LHFPL3: variants seen among roughly 807,000 people sequenced by gnomAD.
LHFPL3 encodes LHFPL tetraspan subfamily member 3, also known as LHFPL tetraspan subfamily member 3 protein.
Under a neutral mutation model 19.3 loss-of-function variants are expected in LHFPL3, and 5 were observed. The observed-to-expected ratio is 0.26, with a 90% CI of 0.14 to 0.54. The LOEUF (loss-of-function observed/expected upper bound fraction) is 0.54, where lower values mean the gene tolerates loss of function less well. Ranked by LOEUF, LHFPL3 falls within the 20% of genes least tolerant of loss-of-function variation. LHFPL3 has a pLI of 0.94. For synonymous variants in LHFPL3, 133 were observed against 126.2 expected, an observed-to-expected ratio of 1.05 and a Z score of -0.36; for missense variants, 249 against 307.4, an observed-to-expected ratio of 0.81 and a Z score of 1.42.
intron 1 of LHFPL3, among the ~76,000 whole-genome samples, chr7:104,715,179 C>T (rs1004100554): frequency 3.3e-5 from 5 of 152,094 alleles, no homozygotes; most frequent in African/African-American, 7.2e-5. Context: ...TGCCACTGCA[C>T]TCTAACCTGA....
At chr7:104,902,172 G>A (rs1345288791) in intron 2 of LHFPL3, among the ~76,000 whole-genome samples, 1 of 152,014 alleles carries the variant, frequency 6.6e-6, no homozygotes, top group Non-Finnish European at 1.5e-5. Flanking sequence ...TTGAGTCCGG[G>A]AGTTTGAAAC....
At chr7:104,460,657 G>T (rs564213870) in intron 1 of LHFPL3, among the ~76,000 whole-genome samples, 54 of 152,146 alleles carry the variant, frequency 3.5e-4, no homozygotes, top group Admixed American at 3.2e-3. Flanking sequence ...CTTTTGAAAA[G>T]TGTCTTTTCA....
chr7:104,589,539 T>C (rs972648895), intron 1 of LHFPL3, among the ~76,000 whole-genome samples: 3 of 152,200 alleles, frequency 2.0e-5, no homozygotes, highest in Admixed American at 1.3e-4. Context: ...GATTTTTGCA[T>C]TGATGTTCAT....
chr7:104,710,100 CACTCG>C (rs1022324118), intron 1 of LHFPL3, among the ~76,000 whole-genome samples: 1 of 152,234 alleles, frequency 6.6e-6, no homozygotes, highest in African/African-American at 2.4e-5. Context: ...GCAGGCAGAT[CACTCG>C]AGGTCAGGAG....
chr7:104,549,725 A>G (rs1794634125), intron 1 of LHFPL3, among the ~76,000 whole-genome samples: 1 of 152,058 alleles, frequency 6.6e-6, no homozygotes. Flanking sequence ...TCCTATATCT[A>G]TCTGGGGACC....
At chr7:104,632,436 C>T (rs966784045) in intron 1 of LHFPL3, among the ~76,000 whole-genome samples, 17 of 151,984 alleles carry the variant, frequency 1.1e-4, no homozygotes, top group Non-Finnish European at 2.2e-4. Flanking sequence ...GAATTCTTAG[C>T]CTAAAGACTA....
chr7:104,638,953 CA>C (rs1791781193), intron 1 of LHFPL3, among the ~76,000 whole-genome samples: 1 of 150,744 alleles, frequency 6.6e-6, no homozygotes, highest in Non-Finnish European at 1.5e-5. Flanking sequence ...TTGGTAGAAA[CA>C]GGGTTTCATT....
At chr7:104,619,245 C>T (rs1417968127) in intron 1 of LHFPL3, among the ~76,000 whole-genome samples, 1 of 152,118 alleles carries the variant, frequency 6.6e-6, no homozygotes, top group African/African-American at 2.4e-5. Context: ...ATAATGTTGA[C>T]TTCTGATACT....
At chr7:104,549,453 AC>A (rs2115902895) in intron 1 of LHFPL3, among the ~76,000 whole-genome samples, 1 of 106,556 alleles carries the variant, frequency 9.4e-6, no homozygotes, top group East Asian at 2.8e-4. Flanking sequence ...AACCCAACAC[AC>A]ACACACACAC....
At chr7:104,672,573 C>A (rs186882136) in intron 1 of LHFPL3, among the ~76,000 whole-genome samples, 10 of 152,308 alleles carry the variant, frequency 6.6e-5, no homozygotes, top group Admixed American at 2.0e-4. Context: ...CTTATACAGT[C>A]GATGAGGGAA....
chr7:104,727,706 T>G (rs1163665906), intron 1 of LHFPL3, among the ~76,000 whole-genome samples: 1 of 151,768 alleles, frequency 6.6e-6, no homozygotes, highest in African/African-American at 2.4e-5. Flanking sequence ...AATGGAACAT[T>G]TAGGGAAAAT....
rs534240132 is a variant in LHFPL3 at position 104,906,824 on chromosome 7, G to A, written c.*609G>A. 1.3e-5 allele frequency: 2 copies of A among 152,712 alleles called. No homozygotes were observed. Among genetic ancestry groups the A allele is most frequent in the South Asian group, 2.1e-4 (1 of 4,812 alleles). 9.5% of individuals were successfully genotyped at this position (152,712 alleles called of 1,614,324 possible). A position where few individuals can be genotyped will look rare whatever the true frequency, so the allele number is the denominator to read the frequency against. On this transcript the variant is annotated 3_prime_UTR_variant, in exon 3 of 3. Coordinates refer to ENST00000424859, the MANE Select transcript of LHFPL3 (RefSeq NM_199000.3). ...CCACTCAGTTATTAAGAGACGTAAC[G>A]CTTCAAACTTTTTACCAAGTCTGTG...
At chr7:104,715,180 T>C (rs1046051699) in intron 1 of LHFPL3, among the ~76,000 whole-genome samples, 1 of 152,126 alleles carries the variant, frequency 6.6e-6, no homozygotes, top group Admixed American at 6.6e-5. Context: ...GCCACTGCAC[T>C]CTAACCTGAA....
chr7:104,597,721 T>C (rs1790890723), intron 1 of LHFPL3, among the ~76,000 whole-genome samples: 2 of 152,222 alleles, frequency 1.3e-5, no homozygotes, highest in African/African-American at 2.4e-5. Flanking sequence ...CTGCTTTGCA[T>C]AGTGACATTG....
At chr7:104,868,163 T>C (rs1042801073) in intron 2 of LHFPL3, among the ~76,000 whole-genome samples, 4 of 152,090 alleles carry the variant, frequency 2.6e-5, no homozygotes, top group African/African-American at 9.7e-5. Flanking sequence ...CTTTGAAAAC[T>C]GGCACAAGAC....
Position 104,906,194 on chromosome 7 carries a change from A to T in LHFPL3, c.690A>T (p.Leu230=). Residue 230 remains leucine, a synonymous_variant, in exon 3 of 3, where the codon CTA becomes CTT. Coordinates refer to ENST00000424859, the MANE Select transcript of LHFPL3 (RefSeq NM_199000.3). ...TCCCTCCAATTTCTGCAGTTCTGCT[A>T]AGCCAATATTCTCTAGAATGAGCAC... ...EELKAENKVL[L]SQYSLE 1.2e-6 allele frequency: 2 copies of T among 1,610,684 alleles called. No individual in the cohort carries two copies. Among genetic ancestry groups the T allele is most frequent in the Non-Finnish European group, 1.7e-6 (2 of 1,178,354 alleles).
intron 1 of LHFPL3, among the ~76,000 whole-genome samples, chr7:104,355,096 C>G (rs1315546151): frequency 1.3e-5 from 2 of 152,036 alleles, no homozygotes; most frequent in African/African-American, 4.8e-5. Context: ...TTGGATATGC[C>G]TGATTATTAG....
intron 2 of LHFPL3, among the ~76,000 whole-genome samples, chr7:104,766,674 G>A (rs1470555847): frequency 1.3e-5 from 2 of 152,148 alleles, no homozygotes; most frequent in African/African-American, 4.8e-5. Context: ...CTAATCTTGT[G>A]CAAGAAACTT....
intron 1 of LHFPL3, among the ~76,000 whole-genome samples, chr7:104,671,543 T>C (rs1348287192): frequency 6.9e-6 from 1 of 145,718 alleles, no homozygotes; most frequent in African/African-American, 2.5e-5. Flanking sequence ...TTTTTTGTTT[T>C]CTCCAAATAA....
Sources: allele counts gnomAD v4.1 joint callset (sites outside exome capture counted in the v4.1 genomes callset), GRCh38; gene constraint gnomAD v4.1.1; transcripts MANE v1.5; gene names NCBI Gene and HGNC (gene_info 2026-07-23, HGNC 2026-07-21).